Variants in TRAPPC12 observed in about 807,000 individuals in gnomAD.
The protein encoded by TRAPPC12 is TPR repeat protein 15.
TRAPPC12 carries 61 observed loss-of-function variants against 69.2 expected under a neutral mutation model. That is an observed-to-expected ratio of 0.88 (90% CI 0.72 to 1.09). The LOEUF (loss-of-function observed/expected upper bound fraction) is 1.09, where lower values mean the gene tolerates loss of function less well. Ranked by LOEUF, TRAPPC12 falls within the 50% of genes least tolerant of loss-of-function variation. The pLI, the probability that TRAPPC12 is intolerant of heterozygous loss-of-function variation, is 0.00. For synonymous variants in TRAPPC12, 469 were observed against 438.9 expected (o/e 1.07, Z -0.86); for missense variants, 1,101 against 1,016.4 (o/e 1.08, Z -1.13).
chr2:3,408,861 G>A (rs1322345444), intron 3 of TRAPPC12, among the ~76,000 whole-genome samples: 2 of 152,132 alleles, frequency 1.3e-5, no homozygotes, highest in Non-Finnish European at 2.9e-5. Flanking sequence ...AGTTGATCGG[G>A]CAGCACAGTG....
At position 3,383,871 on chromosome 2, in the gene TRAPPC12, G is replaced by GTTTTTTTTTTT. The variant is rs34956958; in HGVS notation, c.-4-3718_-4-3708dup. 9.0e-4 allele frequency among the ~76,000 whole-genome samples: 77 copies of GTTTTTTTTTTT among 85,580 alleles called. 9 individuals carry two copies. Among genetic ancestry groups the GTTTTTTTTTTT allele is most frequent in the Non-Finnish European group, 1.4e-3 (60 of 42,896 alleles). The allele number at this position is 85,580 out of a possible 152,430, so 56.1% of individuals were successfully genotyped here. On this transcript the variant is annotated intron_variant, in intron 1 of 11. Coordinates refer to ENST00000324266, the MANE Select transcript of TRAPPC12 (RefSeq NM_016030.6). ...TATTCCCTTGTGATAGTTCAGTCTT[G>GTTTTTTTTTTT]TTTTTTTTTTTTTTTTTTTTTTTTT... is the stretch of plus-strand genomic sequence containing the variant.
chr2:3,432,840 A>C (rs912918024), intron 5 of TRAPPC12, among the ~76,000 whole-genome samples: 1 of 152,220 alleles, frequency 6.6e-6, no homozygotes, highest in Non-Finnish European at 1.5e-5. Flanking sequence ...CTGTCTGCAC[A>C]AGATACAGGC....
chr2:3,471,969 A>G (rs1666080516), intron 9 of TRAPPC12, among the ~76,000 whole-genome samples: 1 of 152,148 alleles, frequency 6.6e-6, no homozygotes. Context: ...GTCTGTGGCC[A>G]GTCCTAGGCC....
chr2:3,412,436 C>T (rs1482615406), intron 3 of TRAPPC12, among the ~76,000 whole-genome samples: 1 of 152,132 alleles, frequency 6.6e-6, no homozygotes, highest in Non-Finnish European at 1.5e-5. Context: ...GTGGTGGGCG[C>T]CTGTAATCCC....
At position 3,419,750 on chromosome 2, in the gene TRAPPC12, C is replaced by T. The variant is rs546073938; in HGVS notation, c.1165-2131C>T. On this transcript the variant is annotated intron_variant, in intron 3 of 11. Transcript: ENST00000324266. ...GGGTGCCGTGGAGGCCAGTACTCACCGTCAGGCTGTGGCAGGTACAGTGAA... is the reference window on the plus strand; with the variant it reads ...GGGTGCCGTGGAGGCCAGTACTCACTGTCAGGCTGTGGCAGGTACAGTGAA... Among the ~76,000 whole-genome samples the T allele has an allele frequency of 4.6e-5, 7 of 152,210 alleles. No homozygotes were observed. The East Asian group carries it at 9.6e-4, about 21-fold the overall frequency.
intron 3 of TRAPPC12, among the ~76,000 whole-genome samples, chr2:3,420,663 A>G (rs1291191311): frequency 2.0e-5 from 3 of 152,164 alleles, no homozygotes; most frequent in East Asian, 1.9e-4. Flanking sequence ...GCAGGTCGTT[A>G]GCTCCTGCCT....
At chr2:3,456,046 T>C (rs1004944683) in intron 6 of TRAPPC12, 3 of 152,246 alleles carry the variant, frequency 2.0e-5, no homozygotes, top group African/African-American at 4.8e-5. Context: ...TCTGTTCTTA[T>C]GATCATTCAT....
chr2:3,413,288 GT>G (rs1009231205), intron 3 of TRAPPC12, among the ~76,000 whole-genome samples: 2 of 152,128 alleles, frequency 1.3e-5, no homozygotes, highest in African/African-American at 4.8e-5. Context: ...TATGGTCTTG[GT>G]TTCTTTTATC....
rs553027873 is a variant in TRAPPC12, at chr2:3,383,264, A to C, written c.-5+3388A>C. Among the ~76,000 whole-genome samples the C allele has an allele frequency of 2.6e-5, 4 of 152,244 alleles. No homozygotes were observed. In the South Asian group the frequency reaches 8.3e-4, roughly 32 times the overall value. ...AGAACTTTCCATTTTAATATAGCAGATGTATCCATTTTCCCTTTATGGTTT... is the reference window on the plus strand; with the variant it reads ...AGAACTTTCCATTTTAATATAGCAGCTGTATCCATTTTCCCTTTATGGTTT... On this transcript the variant is annotated intron_variant, in intron 1 of 11. Coordinates refer to ENST00000324266, the MANE Select transcript of TRAPPC12 (RefSeq NM_016030.6).
chr2:3,452,509 C>T (rs1008661445), intron 6 of TRAPPC12, among the ~76,000 whole-genome samples: 1 of 152,220 alleles, frequency 6.6e-6, no homozygotes, highest in Non-Finnish European at 1.5e-5. Context: ...ATCCACAGGC[C>T]TCTCCTGGCC....
At chr2:3,382,898 C>T (rs1230602931) in intron 1 of TRAPPC12, among the ~76,000 whole-genome samples, 2 of 152,188 alleles carry the variant, frequency 1.3e-5, no homozygotes, top group African/African-American at 4.8e-5. Context: ...GCACTCCCGC[C>T]AGGGTGACAG....
At chr2:3,416,464 G>A (rs1321547979) in intron 3 of TRAPPC12, among the ~76,000 whole-genome samples, 2 of 151,744 alleles carry the variant, frequency 1.3e-5, no homozygotes, top group Non-Finnish European at 2.9e-5. Flanking sequence ...CACTTCCTAG[G>A]CACACCCCTA....
intron 1 of TRAPPC12, among the ~76,000 whole-genome samples, chr2:3,380,529 T>G (rs1046816423): frequency 1.3e-5 from 2 of 152,206 alleles, no homozygotes; most frequent in Non-Finnish European, 2.9e-5. Context: ...AGGAAAAATT[T>G]TCTTGGACCT....
At chr2:3,469,760 G>A (rs564189491) in intron 9 of TRAPPC12, among the ~76,000 whole-genome samples, 1 of 150,590 alleles carries the variant, frequency 6.6e-6, no homozygotes, top group African/African-American at 2.4e-5. Flanking sequence ...TAGGAATGTA[G>A]GCCTCCTGGT....
intron 1 of TRAPPC12, among the ~76,000 whole-genome samples, chr2:3,386,090 G>T (rs1662369053): frequency 6.6e-6 from 1 of 152,212 alleles, no homozygotes; most frequent in African/African-American, 2.4e-5. Context: ...TCTTCAAAAT[G>T]TATAACTTGG....
intron 5 of TRAPPC12, among the ~76,000 whole-genome samples, chr2:3,441,178 TG>T (rs1664180273): frequency 6.6e-6 from 1 of 152,210 alleles, no homozygotes; most frequent in Non-Finnish European, 1.5e-5. Flanking sequence ...TGTCTGGTTT[TG>T]GTATTAGGGT....
chr2:3,476,280 C>T (rs1179713735), intron 9 of TRAPPC12, among the ~76,000 whole-genome samples: 4 of 152,212 alleles, frequency 2.6e-5, no homozygotes, highest in African/African-American at 9.7e-5. Flanking sequence ...TTAGCTGCCA[C>T]TTTCATGGAT....
intron 6 of TRAPPC12, among the ~76,000 whole-genome samples, chr2:3,450,529 G>A (rs1664795931): frequency 6.6e-6 from 1 of 152,158 alleles, no homozygotes; most frequent in African/African-American, 2.4e-5. Context: ...GCAAGTGAGA[G>A]CATTGCTGAT....
chr2:3,467,548 A>G (rs1665873003), intron 9 of TRAPPC12: 1 of 152,208 alleles, frequency 6.6e-6, no homozygotes, highest in Non-Finnish European at 1.5e-5. Flanking sequence ...ATCTGCACAT[A>G]CAGAAAACCC....
Sources: gnomAD v4.1 joint callset for allele counts (sites outside exome capture counted in the v4.1 genomes callset) on GRCh38, gnomAD v4.1.1 for gene constraint, MANE v1.5 for transcripts, NCBI Gene and HGNC (gene_info 2026-07-23, HGNC 2026-07-21) for gene names.